IRAK1: variants seen among roughly 807,000 people sequenced by gnomAD.
The protein encoded by IRAK1 is interleukin 1 receptor associated kinase 1.
Under a neutral mutation model 49.8 loss-of-function variants are expected in IRAK1, and 9 were observed. The ratio of observed to expected loss-of-function variants is 0.18; its 90% CI spans 0.11 to 0.32. The LOEUF is 0.32. Among genes scored for constraint, IRAK1 ranks in the 10% least tolerant of loss-of-function variants. The pLI is 1.00. For synonymous variants in IRAK1, 282 were observed against 270.8 expected (o/e 1.04, Z -0.41); for missense variants, 418 against 600.5 (o/e 0.70, Z 3.18).
In IRAK1 at chrX:154,016,575, G is replaced by A. The variant is rs149520139; in HGVS notation, c.1098C>T (p.Arg366=). The change falls in exon 9 of 14, where the codon CGC becomes CGT. Residue 366 remains arginine (R), a synonymous_variant. Transcript: ENST00000369980. Reference sequence around the variant, plus strand: ...TCTGGCTGGGGCTGGACCCGGCAAAGCGGCTGAACCGGGCCAGGCCAAAGT... The same window carrying A: ...TCTGGCTGGGGCTGGACCCGGCAAAACGGCTGAACCGGGCCAGGCCAAAGT... ...LGDFGLARFS[R]FAGSSPSQSS... 130 of 1,211,271 alleles carry A rather than the reference G, an allele frequency of 1.1e-4. No individual in the cohort carries two copies. In the African/African-American group the frequency reaches 2.1e-3, roughly 20 times the overall value.
chrX:154,018,162 G>T (rs1557129986), intron 6 of IRAK1, 42 bp from the exon 7 acceptor site: 2 of 1,123,337 alleles, frequency 1.8e-6, no homozygotes, highest in African/African-American at 1.8e-5. Context: ...GCCAGACTGG[G>T]TGGGCAGCCC....
intron 10 of IRAK1, chrX:154,014,488 T>C (rs1485701193): frequency 2.4e-6 from 1 of 416,941 alleles, no homozygotes; most frequent in East Asian, 4.2e-5. Context: ...GTTACAGGTG[T>C]GAGACACTGT....
At position 154,016,564 on chromosome X, in the gene IRAK1, G is replaced by A; in HGVS notation, c.1109C>T (p.Ser370Phe). ...GLARFSRFAGSSPSQSSMVAR... is the reference protein window; with the variant it reads ...GLARFSRFAGFSPSQSSMVAR... ...CACCATGCTGCTCTGGCTGGGGCTG[G>A]ACCCGGCAAAGCGGCTGAACCGGGC... Residue 370 changes from serine (S) to phenylalanine (F), a missense_variant, in exon 9 of 14, where the codon TCC (serine) becomes TTC (phenylalanine). Physicochemically the swap from Ser to Phe is radical, Grantham distance 155. Coordinates refer to ENST00000369980, the MANE Select transcript of IRAK1 (RefSeq NM_001569.4). 1.7e-6 allele frequency: 2 copies of A among 1,211,608 alleles called. No homozygotes were observed. The highest frequency in any genetic ancestry group is 2.2e-6 in the Non-Finnish European group (2 of 895,141).
At position 154,010,760 on chromosome X, in the gene IRAK1, C is replaced by G. The variant is rs1355340630; in HGVS notation, c.*1099G>C. 6 of 235,494 alleles carry G rather than the reference C, an allele frequency of 2.5e-5. No homozygotes were observed. The highest frequency in any genetic ancestry group is 4.0e-5 in the Non-Finnish European group (5 of 123,607). The allele number at this position is 235,494 out of a possible 1,213,427, so 19.4% of individuals were successfully genotyped here. On this transcript the variant is annotated 3_prime_UTR_variant, in exon 14 of 14. Coordinates refer to ENST00000369980, the MANE Select transcript of IRAK1 (RefSeq NM_001569.4). ...TCTGCCATGCTCCCAACTTTTCTGC[C>G]TTCCAGGGGCTTCTCACTGTCTGGG...
At position 154,019,837 on chromosome X, in the gene IRAK1, T is replaced by G; in HGVS notation, c.-25A>C. 5.0e-6 allele frequency: 4 copies of G among 802,688 alleles called. No homozygotes were observed. Among genetic ancestry groups the G allele is most frequent in the Non-Finnish European group, 6.0e-6 (4 of 668,308 alleles). 66.2% of individuals were successfully genotyped at this position (802,688 alleles called of 1,213,427 possible). ...TGGCTGCCGCCGCCGGGCCGGGACC[T>G]GCCGGGGCCTCTCAGGGCCGCGGCG... On this transcript the variant is annotated 5_prime_UTR_variant, in exon 1 of 14. Coordinates refer to ENST00000369980, the MANE Select transcript of IRAK1 (RefSeq NM_001569.4).
intron 11 of IRAK1, 129 bp from the exon 12 acceptor site, chrX:154,013,562 G>A: frequency 1.6e-6 from 1 of 609,768 alleles, no homozygotes; most frequent in Non-Finnish European, 2.4e-6. Context: ...ATACCCTGCA[G>A]CTGGGAACGC....
rs1557127241 is a variant in IRAK1, at chrX:154,010,948, G to C, written c.*911C>G. 2.9e-6 allele frequency: 1 copy of C among 342,464 alleles called. No homozygotes were observed. The allele number at this position is 342,464 out of a possible 1,213,427, so 28.2% of individuals were successfully genotyped here. A position where few individuals can be genotyped will look rare whatever the true frequency, so the allele number is the denominator to read the frequency against. ...GCTTGCAGGCCACCACATTAGGCCA[G>C]CTCGCAGGTCCCCAGTAAAGCCTGA... On this transcript the variant is annotated 3_prime_UTR_variant, in exon 14 of 14. Coordinates refer to ENST00000369980, the MANE Select transcript of IRAK1 (RefSeq NM_001569.4).
chrX:154,012,561 C>T lies in IRAK1; in HGVS notation c.2048G>A (p.Ser683Asn). ...LALYEDGALD[S>N]LQLLSSSSLP... is the part of the protein sequence containing the mutation. The stretch of plus-strand genomic sequence containing the variant: ...GGAGCTGGACGACAGCAGCTGCAGG[C>T]TGTCCAGGGCCCCATCCTCGTACAG... Residue 683 changes from serine to asparagine, a missense_variant, in exon 13 of 14, where the codon AGC becomes AAC. Physicochemically the swap from Ser to Asn is conservative, Grantham distance 46. This residue lies in a region of IRAK1 where 377 missense variants were observed against 499.5 expected (regional missense o/e 0.75). Transcript: ENST00000369980. 1 of 1,211,100 alleles carries T rather than the reference C, an allele frequency of 8.3e-7. No homozygotes were observed. Among genetic ancestry groups the T allele is most frequent in the Non-Finnish European group, 1.1e-6 (1 of 895,041 alleles).
intron 11 of IRAK1, 93 bp from the exon 12 acceptor site, chrX:154,013,526 G>A (rs782290230): frequency 3.8e-5 from 34 of 884,204 alleles, no homozygotes; most frequent in Non-Finnish European, 5.1e-5. Context: ...GGCCGTCCGT[G>A]ACCTGCCCCA....
At chrX:154,018,237 G>T in intron 6 of IRAK1, 54 bp downstream of exon 6, 1 of 1,072,563 alleles carries the variant, frequency 9.3e-7, no homozygotes, top group Non-Finnish European at 1.3e-6. Context: ...CAGGTCCTGT[G>T]GTGTGCGGTC....
rs1557130623 is a variant in IRAK1 at position 154,019,138 on chromosome X, C to A, written c.436+59G>T. On this transcript the variant is annotated intron_variant, in intron 3 of 13. Coordinates refer to ENST00000369980, the MANE Select transcript of IRAK1 (RefSeq NM_001569.4). ...CCAGCAGCAGGGTCTACAGCCGTGG[C>A]CGTGGTCAAGGTGGGCTCTTCTTTG... 2.5e-6 allele frequency: 3 copies of A among 1,204,164 alleles called. No individual in the cohort carries two copies. The African/African-American group carries it at 5.3e-5, about 21-fold the overall frequency.
At chrX:154,014,371 TA>T (rs146868205) in intron 10 of IRAK1, 93 bp from the exon 11 acceptor site, 13,082 of 513,796 alleles carry the variant, frequency 0.025, 374 homozygotes, top group African/African-American at 0.16. Flanking sequence ...TGGGTTTTGA[TA>T]AAAAAAAAAA....
intron 9 of IRAK1, 84 bp downstream of exon 9, chrX:154,016,353 G>T: frequency 1.0e-6 from 1 of 963,277 alleles, no homozygotes; most frequent in Non-Finnish European, 1.5e-6. Flanking sequence ...GATGGCCCCT[G>T]GCCCGCAGTG....
chrX:154,017,947 C>T, intron 7 of IRAK1, 59 bp downstream of exon 7: 1 of 904,323 alleles, frequency 1.1e-6, no homozygotes, highest in Non-Finnish European at 1.6e-6. Flanking sequence ...CGCCCGGCTC[C>T]AGCCAGGTGT....
chrX:154,018,160 G>A, intron 6 of IRAK1, 40 bp from the exon 7 acceptor site: 1 of 1,124,640 alleles, frequency 8.9e-7, no homozygotes, highest in South Asian at 1.8e-5. Flanking sequence ...AGGCCAGACT[G>A]GGTGGGCAGC....
chrX:154,016,215 AC>A, intron 9 of IRAK1, 118 bp from the exon 10 acceptor site: 1 of 672,933 alleles, frequency 1.5e-6, no homozygotes, highest in Non-Finnish European at 2.4e-6. Flanking sequence ...ATGTTATGGG[AC>A]TGAAGCTCGG....
chrX:154,015,990 A>G (rs1557129032), intron 10 of IRAK1, 42 bp downstream of exon 10: 2 of 1,117,550 alleles, frequency 1.8e-6, no homozygotes, highest in African/African-American at 3.6e-5. Context: ...GCTGGCTGCC[A>G]GCAGCTGTGT....
At position 154,018,326 on chromosome X, in the gene IRAK1, C is replaced by T; in HGVS notation, c.759G>A (p.Lys253=). The change falls in exon 6 of 14, where the codon AAG becomes AAA. Residue 253 remains lysine, a synonymous_variant. Transcript: ENST00000369980. ...ENADLEWTAV[K]QSFLTEVEQL... ...GCTCCACCTCGGTCAGGAAGCTCTG[C>T]TTCACTGCAGTCCACTCCAGGTCAG... 8.6e-7 allele frequency: 1 copy of T among 1,167,527 alleles called. No individual in the cohort carries two copies. Among genetic ancestry groups the T allele is most frequent in the South Asian group, 1.9e-5 (1 of 53,009 alleles).
Position 154,012,690 on chromosome X carries a change from A to G in IRAK1, c.1931-12T>C. Reference sequence around the variant, plus strand: ...GCCAAGGGCCAGTCCTGGGGTGGAGATGGCACTCCCTTAGCCTCATGCTGT... The same window carrying G: ...GCCAAGGGCCAGTCCTGGGGTGGAGGTGGCACTCCCTTAGCCTCATGCTGT... On this transcript the variant is annotated splice_polypyrimidine_tract_variant and intron_variant, in intron 12 of 13. Coordinates refer to ENST00000369980, the MANE Select transcript of IRAK1 (RefSeq NM_001569.4). 1 of 1,206,978 alleles carries G rather than the reference A, an allele frequency of 8.3e-7. No homozygotes were observed. The highest frequency in any genetic ancestry group is 1.1e-6 in the Non-Finnish European group (1 of 892,439).
Sources: gnomAD v4.1 joint callset for allele counts on GRCh38, gnomAD v4.1.1 for gene constraint, gnomAD v4.1.1 regional missense constraint, MANE v1.5 for transcripts, NCBI Gene and HGNC (gene_info 2026-07-23, HGNC 2026-07-21) for gene names.